CEP126: variants seen among roughly 807,000 people sequenced by gnomAD.
CEP126 encodes the protein centrosomal protein 126, also known as centrosomal protein of 126 kDa.
In CEP126, 74 loss-of-function variants were observed where a neutral mutation model predicts 107.8. The ratio of observed to expected loss-of-function variants is 0.69; its 90% CI spans 0.57 to 0.83. The LOEUF (loss-of-function observed/expected upper bound fraction) is 0.83, where lower values mean the gene tolerates loss of function less well. CEP126 is among the 40% of genes least tolerant of loss of function. The pLI, the probability that CEP126 is intolerant of heterozygous loss-of-function variation, is 0.00. For missense variants in CEP126, 1,237 were observed against 1,281.9 expected (o/e 0.96, Z 0.53); for synonymous variants, 449 against 446.0 (o/e 1.01, Z -0.08).
Position 101,978,445 on chromosome 11 carries a change from A to C in CEP126, c.2944A>C (p.Ser982Arg). The C allele has an allele frequency of 6.2e-7, 1 of 1,600,646 alleles. No homozygotes were observed. The highest frequency in any genetic ancestry group is 8.6e-7 in the Non-Finnish European group (1 of 1,168,792). ...QNPGSVGQKYSEQINNFGQSV... is the reference protein window; with the variant it reads ...QNPGSVGQKYREQINNFGQSV... Reference sequence around the variant, plus strand: ...CCCTGGATCTGTAGGACAGAAGTACAGTGAGCAAATTAATGTAAGTATGGT... The same window carrying C: ...CCCTGGATCTGTAGGACAGAAGTACCGTGAGCAAATTAATGTAAGTATGGT... The change falls in exon 7 of 11, where the codon AGT (serine) becomes CGT (arginine). Residue 982 changes from serine (S) to arginine (R), a missense_variant. By Grantham distance (110) the Ser-to-Arg change is moderately radical. This residue lies in a region of CEP126 where 1,134 missense variants were observed against 1,150.5 expected (regional missense o/e 0.99). Coordinates refer to ENST00000263468, the MANE Select transcript of CEP126 (RefSeq NM_020802.4).
Position 101,969,248 on chromosome 11 carries a change from C to T in CEP126, c.2845+5368C>T, listed in dbSNP as rs1225709267. On this transcript the variant is annotated intron_variant, in intron 6 of 10. Coordinates refer to ENST00000263468, the MANE Select transcript of CEP126 (RefSeq NM_020802.4). ...GTTTCCCAGGCTGGTCTTGGCCTCC[C>T]GAGCTCAAGCGATCTGCCTGCCTCA... 2.6e-5 allele frequency among the ~76,000 whole-genome samples: 4 copies of T among 152,048 alleles called. No homozygotes were observed. The South Asian group carries it at 6.2e-4, about 24-fold the overall frequency.
chr11:101,945,897 T>A (rs1940729088), intron 3 of CEP126, among the ~76,000 whole-genome samples: 1 of 152,124 alleles, frequency 6.6e-6, no homozygotes, highest in Non-Finnish European at 1.5e-5. Context: ...ATAGGGTCTG[T>A]TACCAAGGAA....
intron 2 of CEP126, among the ~76,000 whole-genome samples, chr11:101,930,901 AT>A (rs1216597910): frequency 1.3e-5 from 2 of 152,242 alleles, no homozygotes; most frequent in African/African-American, 4.8e-5. Context: ...CAAACTGTAT[AT>A]ATCATGCACA....
At position 101,963,757 on chromosome 11, in the gene CEP126, A is replaced by G; in HGVS notation, c.2722A>G (p.Thr908Ala). ...VARQDATLYC[T>A]QRSPVCEESY... is the part of the protein sequence containing the mutation. ...CCGGCAAGATGCGACATTATATTGC[A>G]CCCAAAGAAGTCCTGTTTGTGAAGA... The change falls in exon 6 of 11, where the codon ACC becomes GCC. Residue 908 changes from threonine to alanine, a missense_variant. Thr to Ala is a moderately conservative substitution (Grantham distance 58). Transcript: ENST00000263468. 1 of 1,614,154 alleles carries G rather than the reference A, an allele frequency of 6.2e-7. No homozygotes were observed. Among genetic ancestry groups the G allele is most frequent in the Non-Finnish European group, 8.5e-7 (1 of 1,180,026 alleles).
chr11:101,978,216 A>C (rs1941215185), intron 6 of CEP126, 131 bp from the exon 7 acceptor site: 1 of 674,212 alleles, frequency 1.5e-6, no homozygotes, highest in Admixed American at 2.4e-5. Context: ...AGCTCAATAA[A>C]GCATGCTAAC....
chr11:101,988,179 CAGGG>C (rs1941336474), intron 9 of CEP126, among the ~76,000 whole-genome samples: 2 of 152,032 alleles, frequency 1.3e-5, no homozygotes, highest in African/African-American at 4.8e-5. Flanking sequence ...CTTAAACATG[CAGGG>C]AATAAGAAAC....
chr11:101,929,927 G>C (rs78033590), intron 2 of CEP126, among the ~76,000 whole-genome samples: 1 of 148,988 alleles, frequency 6.7e-6, no homozygotes, highest in Non-Finnish European at 1.5e-5. Context: ...TAGCTAAGCT[G>C]ATCTTTTCCT....
At chr11:101,949,594 A>G (rs146361619) in intron 4 of CEP126, among the ~76,000 whole-genome samples, 241 of 152,326 alleles carry the variant, frequency 1.6e-3, no homozygotes, top group Non-Finnish European at 2.6e-3. Flanking sequence ...ATATAGGACT[A>G]GGAGAGGTCA....
chr11:101,987,168 G>A (rs1413492115), intron 9 of CEP126, 127 bp downstream of exon 9: 1 of 633,444 alleles, frequency 1.6e-6, no homozygotes, highest in Non-Finnish European at 2.8e-6. Context: ...CTACCTGAGT[G>A]CATAACCATT....
Position 101,938,159 on chromosome 11 carries a change from C to CAAAAAA in CEP126, c.249-6094_249-6089dup, listed in dbSNP as rs1491167740. On this transcript the variant is annotated intron_variant, in intron 2 of 10. Transcript: ENST00000263468. ...TGGGCGACAGAGCGAGACTCTGTCT[C>CAAAAAA]AAAAAAAAAAAAAAAAATACAAGAA... Among the ~76,000 whole-genome samples, 174 of 39,216 alleles carry CAAAAAA rather than the reference C, an allele frequency of 4.4e-3. 17 individuals are homozygous for CAAAAAA. Among genetic ancestry groups the CAAAAAA allele is most frequent in the East Asian group, 6.6e-3 (7 of 1,060 alleles). 25.7% of individuals were successfully genotyped at this position (39,216 alleles called of 152,430 possible). A position where few individuals can be genotyped will look rare whatever the true frequency, so the allele number is the denominator to read the frequency against.
chr11:101,980,381 C>T (rs1941241738), intron 7 of CEP126, among the ~76,000 whole-genome samples: 1 of 152,074 alleles, frequency 6.6e-6, no homozygotes, highest in Admixed American at 6.5e-5. Flanking sequence ...AACAAACAAA[C>T]AAAATTTTAA....
intron 6 of CEP126, among the ~76,000 whole-genome samples, chr11:101,976,981 T>G (rs980606663): frequency 6.6e-6 from 1 of 152,202 alleles, no homozygotes; most frequent in African/African-American, 2.4e-5. Flanking sequence ...ATAAAAATTT[T>G]GAACACATAC....
At chr11:101,984,317 A>G (rs1941291490) in intron 8 of CEP126, among the ~76,000 whole-genome samples, 3 of 152,224 alleles carry the variant, frequency 2.0e-5, no homozygotes, top group Non-Finnish European at 4.4e-5. Flanking sequence ...GCCTGCAACT[A>G]TGTTCAGTGA....
At chr11:101,997,183 A>G (rs1335301424) in intron 10 of CEP126, among the ~76,000 whole-genome samples, 1 of 152,096 alleles carries the variant, frequency 6.6e-6, no homozygotes, top group African/African-American at 2.4e-5. Context: ...GATTACAGGC[A>G]CGTGCCAGCA....
intron 2 of CEP126, among the ~76,000 whole-genome samples, chr11:101,942,938 GT>G (rs1406543230): frequency 6.6e-6 from 1 of 151,936 alleles, no homozygotes; most frequent in Non-Finnish European, 1.5e-5. Flanking sequence ...AATGCAACTG[GT>G]TTATATGTGT....
chr11:101,917,236 C>G (rs1019673005), intron 1 of CEP126, among the ~76,000 whole-genome samples: 5 of 151,804 alleles, frequency 3.3e-5, no homozygotes, highest in Non-Finnish European at 7.4e-5. Flanking sequence ...CACTAAAGTA[C>G]CTTTTATATA....
In CEP126 at chr11:101,978,335, C is replaced by T. The variant is rs760802088; in HGVS notation, c.2846-12C>T. The T allele has an allele frequency of 4.5e-6, 7 of 1,558,230 alleles. No homozygotes were observed. The highest frequency in any genetic ancestry group is 6.2e-6 in the Non-Finnish European group (7 of 1,133,620). On this transcript the variant is annotated splice_polypyrimidine_tract_variant and intron_variant, in intron 6 of 10. Transcript: ENST00000263468. ...AGCATAATTTTTAACATTGTGCTGG[C>T]ATTTGTTTAAGGGTCTACTGTTATG...
chr11:101,959,437 G>A (rs1356916003), intron 5 of CEP126, among the ~76,000 whole-genome samples: 1 of 152,152 alleles, frequency 6.6e-6, no homozygotes, highest in Non-Finnish European at 1.5e-5. Flanking sequence ...ACAGGCATGA[G>A]CCACCATGCC....
chr11:101,980,526 C>T (rs1941243281), intron 7 of CEP126, among the ~76,000 whole-genome samples: 1 of 152,208 alleles, frequency 6.6e-6, no homozygotes, highest in Non-Finnish European at 1.5e-5. Flanking sequence ...CTCCCTTCCA[C>T]TTTCACATAC....
Sources: allele counts gnomAD v4.1 joint callset (sites outside exome capture counted in the v4.1 genomes callset), GRCh38; gene constraint gnomAD v4.1.1; regional missense constraint gnomAD v4.1.1; transcripts MANE v1.5; gene names NCBI Gene and HGNC (gene_info 2026-07-23, HGNC 2026-07-21).